Variants in KDM2B observed in about 807,000 individuals in gnomAD.
The protein encoded by KDM2B is lysine demethylase 2B.
Under a neutral mutation model 150.0 loss-of-function variants are expected in KDM2B, and 26 were observed. That is an observed-to-expected ratio of 0.17 (90% CI 0.13 to 0.24). The LOEUF (loss-of-function observed/expected upper bound fraction) is 0.24, where lower values mean the gene tolerates loss of function less well. Ranked by LOEUF, KDM2B falls within the 10% of genes least tolerant of loss-of-function variation. The pLI, the probability that KDM2B is intolerant of heterozygous loss-of-function variation, is 1.00. For synonymous variants in KDM2B, 734 were observed against 729.5 expected (o/e 1.01, Z -0.10); for missense variants, 1,265 against 1,816.9 (o/e 0.70, Z 5.52).
At chr12:121,580,666 T>G in intron 1 of KDM2B, 120 bp downstream of exon 1, 1 of 1,372,896 alleles carries the variant, frequency 7.3e-7, no homozygotes, top group Non-Finnish European at 9.8e-7. Flanking sequence ...CCGAGCATGC[T>G]GGCGTGAAAG....
chr12:121,415,240 A>G, the KDM2B span: 1 of 276,866 alleles, frequency 3.6e-6, no homozygotes, highest in South Asian at 3.0e-5. Flanking sequence ...GATGTTTTCC[A>G]AGTCATTTAA....
At chr12:121,493,570 C>G (rs1321058542) in intron 12 of KDM2B, among the ~76,000 whole-genome samples, 1 of 152,178 alleles carries the variant, frequency 6.6e-6, no homozygotes, top group Non-Finnish European at 1.5e-5. Context: ...GGATGGTGGA[C>G]TTTGAGGTGA....
Position 121,513,949 on chromosome 12 carries a change from G to A in KDM2B, c.1048-547C>T, listed in dbSNP as rs1356854246. On this transcript the variant is annotated intron_variant, in intron 9 of 22. Coordinates refer to ENST00000377071, the MANE Select transcript of KDM2B (RefSeq NM_032590.5). This position sits in a 1 kb window ranked among gnomAD's most constrained non-coding sequence, Gnocchi z 5.0. The stretch of plus-strand genomic sequence containing the variant: ...CGGACCAATAAGAGTGAGGGGGTGT[G>A]GCCTCGCCTACCTCCAGGGGTGGGG... 6.6e-6 allele frequency among the ~76,000 whole-genome samples: 1 copy of A among 152,114 alleles called. No homozygotes were observed. The highest frequency in any genetic ancestry group is 1.5e-5 in the Non-Finnish European group (1 of 68,008).
intron 11 of KDM2B, among the ~76,000 whole-genome samples, chr12:121,497,678 T>A (rs1212757883): frequency 6.6e-6 from 1 of 151,954 alleles, no homozygotes; most frequent in Non-Finnish European, 1.5e-5. Flanking sequence ...ACAGATCTCC[T>A]CAAAACTGTC....
the KDM2B span, chr12:121,418,130 A>G: frequency 5.4e-6 from 3 of 557,960 alleles, no homozygotes; most frequent in African/African-American, 3.8e-5. Context: ...AAGGGTCCCA[A>G]AATAGCTCAT....
At chr12:121,465,823 C>T (rs1879818434) in intron 12 of KDM2B, among the ~76,000 whole-genome samples, 1 of 152,094 alleles carries the variant, frequency 6.6e-6, no homozygotes, top group African/African-American at 2.4e-5. Flanking sequence ...AAGTAGACTC[C>T]AAACTGAAAT....
rs868954362 is a variant in KDM2B, at chr12:121,468,388, C to G, written c.1735-15044G>C. The G allele has an allele frequency of 2.0e-5, 3 of 152,148 alleles. No homozygotes were observed. Among genetic ancestry groups the G allele is most frequent in the Non-Finnish European group, 2.9e-5 (2 of 68,026 alleles). The allele number at this position is 152,148 out of a possible 1,614,324, so 9.4% of individuals were successfully genotyped here. On this transcript the variant is annotated intron_variant, in intron 12 of 22. Transcript: ENST00000377071. This position sits in a 1 kb window ranked among gnomAD's most constrained non-coding sequence, Gnocchi z 4.0. ...AAGAGCTCATGACCATGAGCTAGAA[C>G]GACCAAAGCTGTTATAAGCATCAAA...
chr12:121,439,814 C>T, intron 22 of KDM2B, 43 bp downstream of exon 22: 1 of 1,443,472 alleles, frequency 6.9e-7, no homozygotes, highest in Non-Finnish European at 9.7e-7. Context: ...TCCTGGTTCT[C>T]CCACGGAGTG....
chr12:121,488,736 C>A (rs537654467), intron 12 of KDM2B, among the ~76,000 whole-genome samples: 1 of 152,168 alleles, frequency 6.6e-6, no homozygotes, highest in Admixed American at 6.6e-5. Flanking sequence ...ATTCTCCTGC[C>A]TCACCCTTCC....
intron 12 of KDM2B, among the ~76,000 whole-genome samples, chr12:121,483,498 C>T (rs1485334022): frequency 2.0e-5 from 3 of 151,910 alleles, no homozygotes; most frequent in Non-Finnish European, 4.4e-5. Context: ...CATGGCAAGA[C>T]CCCATCTCTA....
chr12:121,561,289 C>T (rs782079624), intron 4 of KDM2B, among the ~76,000 whole-genome samples: 1 of 152,174 alleles, frequency 6.6e-6, no homozygotes, highest in African/African-American at 2.4e-5. Context: ...CGAGAGCTCA[C>T]AGAACTCTTC....
At chr12:121,435,286 G>T (rs1416348859) in intron 22 of KDM2B, among the ~76,000 whole-genome samples, 1 of 152,166 alleles carries the variant, frequency 6.6e-6, no homozygotes, top group Non-Finnish European at 1.5e-5. Context: ...TTTATATTAT[G>T]TATTATTTTA....
chr12:121,479,659 T>C (rs571462172), intron 12 of KDM2B, among the ~76,000 whole-genome samples: 2 of 152,022 alleles, frequency 1.3e-5, no homozygotes, highest in African/African-American at 4.8e-5. Flanking sequence ...TCTTGCTCTG[T>C]TGCCCAGGCT....
At position 121,453,088 on chromosome 12, in the gene KDM2B, C is replaced by A. The variant is rs782241606; in HGVS notation, c.1959+32G>T. On this transcript the variant is annotated intron_variant, in intron 13 of 22. Coordinates refer to ENST00000377071, the MANE Select transcript of KDM2B (RefSeq NM_032590.5). The surrounding 1 kb of genome is among the most constrained non-coding windows in gnomAD (Gnocchi z 6.4). ...CGGGCCGGCACGCAGGGGCCTGAATCGAGCGCAGGGCTGGGCGGGGGCCGC... is the reference window on the plus strand; with the variant it reads ...CGGGCCGGCACGCAGGGGCCTGAATAGAGCGCAGGGCTGGGCGGGGGCCGC... 1 of 1,559,710 alleles carries A rather than the reference C, an allele frequency of 6.4e-7. No individual in the cohort carries two copies. Among genetic ancestry groups the A allele is most frequent in the Middle Eastern group, 2.3e-4 (1 of 4,404 alleles).
chr12:121,474,249 C>T (rs1266432079), intron 12 of KDM2B, among the ~76,000 whole-genome samples: 1 of 152,168 alleles, frequency 6.6e-6, no homozygotes, highest in Non-Finnish European at 1.5e-5. Flanking sequence ...CACGGTGGCT[C>T]ACACCTGTAA....
chr12:121,413,415 C>CT, the KDM2B span, among the ~76,000 whole-genome samples: 43,137 of 130,520 alleles, frequency 0.33, 7,595 homozygotes, highest in East Asian at 0.44. Flanking sequence ...TTTACCTGTC[C>CT]TTTTTTTTTT....
chr12:121,523,263 A>G (rs1886847757), intron 8 of KDM2B, among the ~76,000 whole-genome samples: 1 of 152,238 alleles, frequency 6.6e-6, no homozygotes, highest in African/African-American at 2.4e-5. Context: ...GCTGGGAAAT[A>G]CAGAGGGGAG....
chr12:121,555,731 C>A (rs1438199465), intron 4 of KDM2B, among the ~76,000 whole-genome samples: 1 of 152,042 alleles, frequency 6.6e-6, no homozygotes, highest in Admixed American at 6.6e-5. Context: ...TTTTTCCCCC[C>A]CAAATCTCAA....
chr12:121,529,928 C>CAA (rs782115700), intron 8 of KDM2B, among the ~76,000 whole-genome samples: 5 of 97,982 alleles, frequency 5.1e-5, no homozygotes, highest in African/African-American at 7.5e-5. Context: ...GACTCTGTCT[C>CAA]AAAAAAAAAA....
Sources: gnomAD v4.1 joint callset for allele counts (sites outside exome capture counted in the v4.1 genomes callset) on GRCh38, gnomAD v4.1.1 for gene constraint, Gnocchi (gnomAD v3.1) non-coding constraint, MANE v1.5 for transcripts, NCBI Gene and HGNC (gene_info 2026-07-23, HGNC 2026-07-21) for gene names.